The following TP63 variants were observed in gnomAD, a reference collection of about 807,000 sequenced individuals.
TP63 encodes tumor protein p63, also known as tumor protein 63.
A neutral mutation model predicts 82.8 loss-of-function variants in TP63; 17 were observed. That is an observed-to-expected ratio of 0.21 (90% CI 0.14 to 0.31). The LOEUF is 0.31. Ranked by LOEUF, TP63 falls within the 10% of genes least tolerant of loss-of-function variation. The pLI is 1.00. For missense variants in TP63, 648 were observed against 895.3 expected, an observed-to-expected ratio of 0.72 and a Z score of 3.52; for synonymous variants, 330 against 321.7, an observed-to-expected ratio of 1.03 and a Z score of -0.28.
At chr3:189,664,894 T>C (rs1281925319) in intron 1 of TP63, among the ~76,000 whole-genome samples, 4 of 152,172 alleles carry the variant, frequency 2.6e-5, no homozygotes, top group African/African-American at 9.6e-5. Context: ...GGGGAGACAG[T>C]GTTGTATCGG....
intron 4 of TP63, among the ~76,000 whole-genome samples, chr3:189,858,967 G>A (rs996391546): frequency 6.6e-6 from 1 of 152,102 alleles, no homozygotes. Context: ...CTGAGAAGGG[G>A]ACACGGGGTG....
At chr3:189,892,117 G>A (rs1721084411) in intron 13 of TP63, among the ~76,000 whole-genome samples, 1 of 152,160 alleles carries the variant, frequency 6.6e-6, no homozygotes, top group African/African-American at 2.4e-5. Flanking sequence ...TAACTTTACA[G>A]TCACTTCCGT....
chr3:189,632,797 A>G (rs1729544144), intron 1 of TP63, among the ~76,000 whole-genome samples: 1 of 152,104 alleles, frequency 6.6e-6, no homozygotes, highest in African/African-American at 2.4e-5. Context: ...TGAAAATTAG[A>G]TCTAGCTGCA....
At chr3:189,841,298 A>T (rs1714081189) in intron 4 of TP63, among the ~76,000 whole-genome samples, 1 of 152,170 alleles carries the variant, frequency 6.6e-6, no homozygotes, top group Admixed American at 6.5e-5. Flanking sequence ...AATACAGGTG[A>T]CTTTCTTATA....
chr3:189,610,796 G>A, the TP63 span, among the ~76,000 whole-genome samples: 1 of 152,084 alleles, frequency 6.6e-6, no homozygotes, highest in Non-Finnish European at 1.5e-5. Flanking sequence ...ACATACCCTA[G>A]GCTGTGAAGA....
rs377056763 is a variant in TP63 at position 189,723,872 on chromosome 3, A to T, written c.63-13868A>T. Among the ~76,000 whole-genome samples the T allele has an allele frequency of 1.6e-4, 24 of 152,318 alleles. 2 individuals carry two copies. The highest frequency in any genetic ancestry group is 5.8e-4 in the African/African-American group (24 of 41,568). ...GAAGATAGACATTTCTGAATATAAT[A>T]CATACTTACTTTTTAAGCCAAAAAT... On this transcript the variant is annotated intron_variant, in intron 1 of 13. Transcript: ENST00000264731.
intron 1 of TP63, among the ~76,000 whole-genome samples, chr3:189,703,213 T>A (rs1717943830): frequency 6.6e-6 from 1 of 152,142 alleles, no homozygotes; most frequent in South Asian, 2.1e-4. Context: ...GCCAGCGGAT[T>A]TGTTGAGCTC....
intron 3 of TP63, among the ~76,000 whole-genome samples, chr3:189,764,593 T>C (rs770235526): frequency 5.9e-5 from 9 of 152,196 alleles, no homozygotes; most frequent in Non-Finnish European, 8.8e-5. Flanking sequence ...TCTGCAGTGA[T>C]GTAAGCTTAA....
At chr3:189,775,185 A>C (rs1723687744) in intron 3 of TP63, among the ~76,000 whole-genome samples, 1 of 143,098 alleles carries the variant, frequency 7.0e-6, no homozygotes, top group Admixed American at 7.6e-5. Flanking sequence ...GTGCCACTGC[A>C]CTCCAGCCTG....
intron 3 of TP63, among the ~76,000 whole-genome samples, chr3:189,761,539 A>G (rs1407018846): frequency 1.4e-5 from 2 of 143,990 alleles, no homozygotes; most frequent in African/African-American, 4.9e-5. Flanking sequence ...TCATATCACT[A>G]TCAGCATTTT....
At chr3:189,651,797 C>T (rs770800186) in intron 1 of TP63, among the ~76,000 whole-genome samples, 3 of 146,806 alleles carry the variant, frequency 2.0e-5, no homozygotes, top group Non-Finnish European at 4.5e-5. Context: ...AGCCTCGGGA[C>T]ATGGTGCTCT....
intron 4 of TP63, among the ~76,000 whole-genome samples, chr3:189,840,809 A>G (rs1031487019): frequency 4.1e-5 from 6 of 148,052 alleles, no homozygotes; most frequent in African/African-American, 1.5e-4. Flanking sequence ...GTGAGCCGAG[A>G]TCATGCCACT....
chr3:189,770,089 C>A (rs1051953698), intron 3 of TP63, among the ~76,000 whole-genome samples: 5 of 152,078 alleles, frequency 3.3e-5, no homozygotes, highest in Non-Finnish European at 2.9e-5. Flanking sequence ...TGGTTTGAGG[C>A]GGTAGTAGCC....
Position 189,861,144 on chromosome 3 carries a change from T to A in TP63, c.580-3088T>A, listed in dbSNP as rs1716988838. Reference sequence around the variant, plus strand: ...GTTGGCCAGGCATGTCTTGAGCTCCTGCCTGCCTCGGCCTCCCAAAGTGCT... The same window carrying A: ...GTTGGCCAGGCATGTCTTGAGCTCCAGCCTGCCTCGGCCTCCCAAAGTGCT... On this transcript the variant is annotated intron_variant, in intron 4 of 13. Coordinates refer to ENST00000264731, the MANE Select transcript of TP63 (RefSeq NM_003722.5). Among the ~76,000 whole-genome samples the A allele has an allele frequency of 2.0e-5, 3 of 151,380 alleles. No individual in the cohort carries two copies. In the South Asian group the frequency reaches 6.3e-4, roughly 32 times the overall value.
intron 1 of TP63, among the ~76,000 whole-genome samples, chr3:189,639,088 T>C (rs1711577028): frequency 6.6e-6 from 1 of 152,204 alleles, no homozygotes; most frequent in Admixed American, 6.5e-5. Context: ...AGTTTCTGAT[T>C]AGCTATTTTG....
At chr3:189,876,848 G>C (rs1466168282) in intron 10 of TP63, among the ~76,000 whole-genome samples, 3 of 152,052 alleles carry the variant, frequency 2.0e-5, no homozygotes, top group African/African-American at 7.2e-5. Flanking sequence ...GAATAAATCA[G>C]CTTGGAAAAT....
intron 3 of TP63, chr3:189,789,588 C>G: frequency 8.6e-7 from 1 of 1,161,092 alleles, no homozygotes; most frequent in Non-Finnish European, 1.1e-6. Context: ...ATGGATTGGA[C>G]AGGTAAAGAG....
At chr3:189,689,226 C>T (rs184012801) in intron 1 of TP63, among the ~76,000 whole-genome samples, 2 of 147,430 alleles carry the variant, frequency 1.4e-5, no homozygotes, top group Non-Finnish European at 3.0e-5. Flanking sequence ...AGCGATTCTC[C>T]TGCCTCAGCC....
intron 3 of TP63, among the ~76,000 whole-genome samples, chr3:189,759,523 T>C (rs1408822920): frequency 6.6e-6 from 1 of 152,230 alleles, no homozygotes; most frequent in African/African-American, 2.4e-5. Flanking sequence ...AGCTTGATTT[T>C]ATACATTTTA....
Sources: allele counts gnomAD v4.1 joint callset (sites outside exome capture counted in the v4.1 genomes callset), GRCh38; gene constraint gnomAD v4.1.1; transcripts MANE v1.5; gene names NCBI Gene and HGNC (gene_info 2026-07-23, HGNC 2026-07-21).